PRR14L: variants seen among roughly 807,000 people sequenced by gnomAD.
PRR14L encodes proline rich 14 like, also known as protein PRR14L.
A neutral mutation model predicts 155.0 loss-of-function variants in PRR14L; 80 were observed. That is an observed-to-expected ratio of 0.52 (90% CI 0.43 to 0.62). PRR14L has a LOEUF of 0.62. PRR14L is among the 20% of genes least tolerant of loss of function. PRR14L has a pLI of 0.00. For synonymous variants in PRR14L, 883 were observed against 916.0 expected, an observed-to-expected ratio of 0.96 and a Z score of 0.65; for missense variants, 2,469 against 2,548.0, an observed-to-expected ratio of 0.97 and a Z score of 0.67.
At chr22:31,745,604 G>C (rs935506746) in intron 1 of PRR14L, among the ~76,000 whole-genome samples, 27 of 151,954 alleles carry the variant, frequency 1.8e-4, no homozygotes, top group Non-Finnish European at 2.8e-4. Context: ...CCAGCACTTT[G>C]GGAGGCTGAG....
intron 1 of PRR14L, among the ~76,000 whole-genome samples, chr22:31,744,961 C>A (rs2074830142): frequency 6.6e-6 from 1 of 152,108 alleles, no homozygotes; most frequent in Non-Finnish European, 1.5e-5. Flanking sequence ...AAACAGACAC[C>A]CCCTCCTTTT....
intron 2 of PRR14L, among the ~76,000 whole-genome samples, chr22:31,727,105 G>C (rs1293890184): frequency 2.0e-5 from 3 of 152,200 alleles, no homozygotes; most frequent in Non-Finnish European, 2.9e-5. Context: ...GCCCCAGAGG[G>C]GTTGGTGGGA....
intron 7 of PRR14L, among the ~76,000 whole-genome samples, chr22:31,700,847 C>T (rs2074559451): frequency 1.3e-5 from 2 of 152,144 alleles, no homozygotes; most frequent in African/African-American, 4.8e-5. Context: ...AGCCACCGCG[C>T]CTGGCCCTGT....
chr22:31,726,336 G>C (rs2074716735), intron 2 of PRR14L, among the ~76,000 whole-genome samples: 1 of 151,888 alleles, frequency 6.6e-6, no homozygotes, highest in African/African-American at 2.4e-5. Context: ...TCCCCATGTT[G>C]GCCAGGCTGG....
At chr22:31,719,260 A>C (rs969127594) in intron 3 of PRR14L, among the ~76,000 whole-genome samples, 1 of 151,666 alleles carries the variant, frequency 6.6e-6, no homozygotes, top group Non-Finnish European at 1.5e-5. Flanking sequence ...AAGAAAAAAA[A>C]AAATCAGCTG....
At chr22:31,732,674 G>T (rs1376262865) in intron 2 of PRR14L, among the ~76,000 whole-genome samples, 1 of 152,092 alleles carries the variant, frequency 6.6e-6, no homozygotes, top group Non-Finnish European at 1.5e-5. Flanking sequence ...GATTTTCTTT[G>T]TATCCTTTCA....
In PRR14L at chr22:31,716,674, C is replaced by T. The variant is rs1480036381; in HGVS notation, c.1165G>A (p.Gly389Arg). 1 of 1,552,008 alleles carries T rather than the reference C, an allele frequency of 6.4e-7. No individual in the cohort carries two copies. The highest frequency in any genetic ancestry group is 1.4e-5 in the African/African-American group (1 of 73,160). ...SSYFYRGDDQ[G>R]KNLASREENE... ...TCTTCTCTAGAAGCCAAGTTCTTCCCTTGATCATCCCCCCTATAAAAATAA... is the reference window on the plus strand; with the variant it reads ...TCTTCTCTAGAAGCCAAGTTCTTCCTTTGATCATCCCCCCTATAAAAATAA... Residue 389 changes from glycine to arginine, a missense_variant, in exon 4 of 9, where the codon GGG becomes AGG. Physicochemically the swap from Gly to Arg is moderately radical, Grantham distance 125 (BLOSUM62 -2). Coordinates refer to ENST00000327423, the MANE Select transcript of PRR14L (RefSeq NM_173566.3).
chr22:31,727,052 AAG>A (rs2074720002), intron 2 of PRR14L, among the ~76,000 whole-genome samples: 1 of 152,038 alleles, frequency 6.6e-6, no homozygotes, highest in Non-Finnish European at 1.5e-5. Flanking sequence ...TCAGATCCCA[AAG>A]GTCTCTGGTG....
Position 31,738,799 on chromosome 22 carries a change from A to G in PRR14L, c.62T>C (p.Val21Ala). 6.4e-7 allele frequency: 1 copy of G among 1,550,618 alleles called. No individual in the cohort carries two copies. Among genetic ancestry groups the G allele is most frequent in the Non-Finnish European group, 8.7e-7 (1 of 1,147,100 alleles). ...TGGGAGTTCAGAGTATAATTCCTGT[A>G]CCACGGCAGACATGGAGGAATCAAG... ...VPLDSSMSAVVQELYSELPVS... is the reference protein window; with the variant it reads ...VPLDSSMSAVAQELYSELPVS... The change falls in exon 2 of 9, where the codon GTA becomes GCA. Residue 21 changes from valine to alanine, a missense_variant. By Grantham distance (64) the Val-to-Ala change is moderately conservative (BLOSUM62 0). This residue lies in a region of PRR14L where 2,363 missense variants were observed against 2,371.6 expected (regional missense o/e 1.00). Transcript: ENST00000327423.
intron 8 of PRR14L, among the ~76,000 whole-genome samples, chr22:31,687,847 C>T (rs1266562231): frequency 2.7e-5 from 4 of 150,770 alleles, no homozygotes; most frequent in East Asian, 2.0e-4. Flanking sequence ...ATCGAGACCA[C>T]GGTGAAACCC....
intron 6 of PRR14L, among the ~76,000 whole-genome samples, chr22:31,703,146 A>G (rs2074571555): frequency 6.6e-6 from 1 of 152,164 alleles, no homozygotes; most frequent in African/African-American, 2.4e-5. Flanking sequence ...TACTCCCTTC[A>G]TATCATCAAA....
At chr22:31,719,470 G>C (rs1463036698) in intron 3 of PRR14L, among the ~76,000 whole-genome samples, 4 of 151,884 alleles carry the variant, frequency 2.6e-5, no homozygotes, top group Non-Finnish European at 4.4e-5. Context: ...TTACTAGAAT[G>C]TAAACTCTGT....
chr22:31,723,429 T>C (rs2074701473), intron 3 of PRR14L, among the ~76,000 whole-genome samples: 1 of 152,148 alleles, frequency 6.6e-6, no homozygotes, highest in South Asian at 2.1e-4. Context: ...GTTCTCCTGT[T>C]TAAAAGGCCA....
intron 1 of PRR14L, among the ~76,000 whole-genome samples, chr22:31,747,025 T>G (rs1248864228): frequency 1.3e-5 from 2 of 151,966 alleles, no homozygotes; most frequent in Non-Finnish European, 2.9e-5. Context: ...AGGATGGTCT[T>G]GATCTCCTGA....
In PRR14L at chr22:31,713,751, G is replaced by T. The variant is rs1432322337; in HGVS notation, c.4088C>A (p.Thr1363Asn). The T allele has an allele frequency of 6.4e-7, 1 of 1,552,366 alleles. No homozygotes were observed. The change falls in exon 4 of 9, where the codon ACT (threonine) becomes AAT (asparagine). Residue 1363 changes from threonine to asparagine, a missense_variant. By Grantham distance (65) the Thr-to-Asn change is moderately conservative. Transcript: ENST00000327423. ...EQSEELVTRETGDGDPVSNIS... is the reference protein window; with the variant it reads ...EQSEELVTRENGDGDPVSNIS... ...GTTGCTCACGGGATCGCCATCGCCA[G>T]TTTCTCTGGTAACCAACTCCTCAGA... is the stretch of plus-strand genomic sequence containing the variant.
chr22:31,729,487 G>C (rs2074736161), intron 2 of PRR14L, among the ~76,000 whole-genome samples: 1 of 152,168 alleles, frequency 6.6e-6, no homozygotes, highest in Admixed American at 6.5e-5. Flanking sequence ...AAAGTGCTGG[G>C]ATTACAGGCG....
chr22:31,746,126 C>T (rs940090091), intron 1 of PRR14L, among the ~76,000 whole-genome samples: 5 of 152,088 alleles, frequency 3.3e-5, no homozygotes, highest in Non-Finnish European at 7.3e-5. Context: ...GACAAGGTCT[C>T]ACTACATTGC....
intron 4 of PRR14L, among the ~76,000 whole-genome samples, chr22:31,707,032 A>T (rs762592008): frequency 6.6e-6 from 1 of 151,960 alleles, no homozygotes; most frequent in Non-Finnish European, 1.5e-5. Flanking sequence ...TTGGGAGACA[A>T]GAGTGAAACT....
chr22:31,716,012 T>C lies in PRR14L; in HGVS notation c.1827A>G (p.Ser609=), dbSNP rs763872002. The change falls in exon 4 of 9, where the codon TCA becomes TCG. Residue 609 remains serine, a synonymous_variant. Coordinates refer to ENST00000327423, the MANE Select transcript of PRR14L (RefSeq NM_173566.3). ...PSPEFDYRPE[S]EKVIQTSHDD... The stretch of plus-strand genomic sequence containing the variant: ...CATGTGAGGTCTGTATAACTTTTTC[T>C]GACTCAGGTCTGTAATCAAATTCTG... The C allele has an allele frequency of 6.0e-5, 93 of 1,550,816 alleles. No individual in the cohort carries two copies. The highest frequency in any genetic ancestry group is 7.8e-5 in the Non-Finnish European group (90 of 1,146,916).
Sources: gnomAD v4.1 joint callset for allele counts (sites outside exome capture counted in the v4.1 genomes callset) on GRCh38, gnomAD v4.1.1 for gene constraint, gnomAD v4.1.1 regional missense constraint, MANE v1.5 for transcripts, NCBI Gene and HGNC (gene_info 2026-07-23, HGNC 2026-07-21) for gene names.